Variants in DAB2IP observed in about 807,000 individuals in gnomAD.
DAB2IP encodes the protein DAB2 interacting protein.
In DAB2IP, 28 loss-of-function variants were observed where a neutral mutation model predicts 107.2. The ratio of observed to expected loss-of-function variants is 0.26; its 90% CI spans 0.19 to 0.36. DAB2IP has a LOEUF of 0.36. Ranked by LOEUF, DAB2IP falls within the 10% of genes least tolerant of loss-of-function variation. The pLI is 1.00. For synonymous variants in DAB2IP, 755 were observed against 706.4 expected (o/e 1.07, Z -1.09); for missense variants, 1,400 against 1,644.7 (o/e 0.85, Z 2.57).
Position 121,717,442 on chromosome 9 carries a change from C to T in DAB2IP, c.362+17984C>T, listed in dbSNP as rs76389469. Among the ~76,000 whole-genome samples, 1,075 of 152,354 alleles carry T rather than the reference C, an allele frequency of 7.1e-3. 7 individuals carry two copies. Among genetic ancestry groups the T allele is most frequent in the African/African-American group, 0.02 (849 of 41,586 alleles). The stretch of plus-strand genomic sequence containing the variant: ...CAGTTTTACAGAAAACTATTTAACG[C>T]GCTTGCTGTAGCTACCCCTGGCATG... On this transcript the variant is annotated intron_variant, in intron 3 of 15. Coordinates refer to ENST00000408936, the Ensembl canonical transcript of DAB2IP.
At position 121,782,828 on chromosome 9, in the gene DAB2IP, T is replaced by G; in HGVS notation, c.*330T>G. 8.8e-7 allele frequency: 1 copy of G among 1,130,624 alleles called. No individual in the cohort carries two copies. Among genetic ancestry groups the G allele is most frequent in the Non-Finnish European group, 1.1e-6 (1 of 919,434 alleles). 70.0% of individuals were successfully genotyped at this position (1,130,624 alleles called of 1,614,324 possible). A position where few individuals can be genotyped will look rare whatever the true frequency, so the allele number is the denominator to read the frequency against. On this transcript the variant is annotated 3_prime_UTR_variant, in exon 16 of 16. Coordinates refer to ENST00000408936, the Ensembl canonical transcript of DAB2IP. The surrounding 1 kb of genome is among the most constrained non-coding windows in gnomAD (Gnocchi z 6.1). ...TGGTGTGTCCTTGTCCTCCTGGATCTGGCCGAGTGCATGTGTCCCCCCACA... is the reference window on the plus strand; with the variant it reads ...TGGTGTGTCCTTGTCCTCCTGGATCGGGCCGAGTGCATGTGTCCCCCCACA...
chr9:121,747,173 TC>T (rs1832775331), intron 3 of DAB2IP, among the ~76,000 whole-genome samples: 1 of 151,908 alleles, frequency 6.6e-6, no homozygotes, highest in Non-Finnish European at 1.5e-5. Context: ...GGACTGTCAC[TC>T]TCCCTAAACT....
chr9:121,738,891 G>A (rs893259276), intron 3 of DAB2IP, among the ~76,000 whole-genome samples: 1 of 152,222 alleles, frequency 6.6e-6, no homozygotes, highest in Non-Finnish European at 1.5e-5. Context: ...GCCACACACA[G>A]CTTACCTTGT....
chr9:121,651,315 G>A (rs1832728021), upstream of DAB2IP, among the ~76,000 whole-genome samples: 1 of 152,212 alleles, frequency 6.6e-6, no homozygotes, highest in Non-Finnish European at 1.5e-5. This position sits in a 1 kb window ranked among gnomAD's most constrained non-coding sequence, Gnocchi z 5.1. Flanking sequence ...CCCCAAGCAT[G>A]CGTCCTACCC....
Position 121,635,205 on chromosome 9 carries a change from G to GT in DAB2IP, c.41-43473_41-43472insT, listed in dbSNP as rs1832045195. Reference sequence around the variant, plus strand: ...AGAGAGCCGTGTGTGGGGTCAAGGAGACCCTGGGGCTGTTCATTGGACAGC... The same window carrying GT: ...AGAGAGCCGTGTGTGGGGTCAAGGAGTACCCTGGGGCTGTTCATTGGACAGC... On this transcript the variant is annotated intron_variant, in intron 1 of 16. Transcript: ENST00000259371. This position sits in a 1 kb window ranked among gnomAD's most constrained non-coding sequence, Gnocchi z 4.3. Among the ~76,000 whole-genome samples, 1 of 152,148 alleles carries GT rather than the reference G, an allele frequency of 6.6e-6. No homozygotes were observed. Among genetic ancestry groups the GT allele is most frequent in the Admixed American group, 6.5e-5 (1 of 15,278 alleles).
intron 3 of DAB2IP, among the ~76,000 whole-genome samples, chr9:121,709,168 C>G (rs1564171375): frequency 6.6e-6 from 1 of 152,210 alleles, no homozygotes; most frequent in Non-Finnish European, 1.5e-5. Flanking sequence ...AAAACAAAAA[C>G]AGAAACTAGT....
chr9:121,626,968 T>G (rs1831670678), intron 1 of DAB2IP, among the ~76,000 whole-genome samples: 1 of 151,864 alleles, frequency 6.6e-6, no homozygotes, highest in Non-Finnish European at 1.5e-5. Context: ...CTACTCTCTG[T>G]GCTCACACAA....
chr9:121,578,163 G>C (rs1830108084), intron 1 of DAB2IP, among the ~76,000 whole-genome samples: 1 of 152,110 alleles, frequency 6.6e-6, no homozygotes. Flanking sequence ...TCTTCTTTCA[G>C]ACTTGGTCCC....
At chr9:121,731,173 C>T (rs905684621) in intron 3 of DAB2IP, among the ~76,000 whole-genome samples, 1 of 152,334 alleles carries the variant, frequency 6.6e-6, no homozygotes, top group African/African-American at 2.4e-5. Flanking sequence ...GTACCTTCCC[C>T]TCTCTACTAA....
chr9:121,608,085 T>C (rs1170452663), intron 1 of DAB2IP, among the ~76,000 whole-genome samples: 1 of 152,196 alleles, frequency 6.6e-6, no homozygotes, highest in African/African-American at 2.4e-5. Context: ...GTGTGAGAGA[T>C]TTGTTTTTCA....
Position 121,699,256 on chromosome 9 carries a change from G to A in DAB2IP, c.229-69G>A. 2 of 1,193,748 alleles carry A rather than the reference G, an allele frequency of 1.7e-6. No homozygotes were observed. Among genetic ancestry groups the A allele is most frequent in the South Asian group, 4.5e-5 (2 of 44,102 alleles). 73.9% of individuals were successfully genotyped at this position (1,193,748 alleles called of 1,614,324 possible). On this transcript the variant is annotated intron_variant, in intron 2 of 15. Coordinates refer to ENST00000408936, the Ensembl canonical transcript of DAB2IP. The surrounding 1 kb of genome is among the most constrained non-coding windows in gnomAD (Gnocchi z 6.2). The stretch of plus-strand genomic sequence containing the variant: ...CGCCCAGCAAGGGTGCGGGTCCCGC[G>A]CGGGTCCCGGCCCGCCGCCGCCGCG...
exon 1 of DAB2IP, chr9:121,567,132 T>C (rs1226516485): frequency 6.2e-7 from 1 of 1,610,590 alleles, no homozygotes; most frequent in Non-Finnish European, 8.5e-7. Flanking sequence ...CAGACGCTCA[T>C]GGAGACAGCC....
intron 1 of DAB2IP, among the ~76,000 whole-genome samples, chr9:121,672,463 C>T (rs1833722999): frequency 6.6e-6 from 1 of 152,222 alleles, no homozygotes; most frequent in Non-Finnish European, 1.5e-5. Context: ...GTAACCATGG[C>T]AACCAAGCCA....
intron 1 of DAB2IP, among the ~76,000 whole-genome samples, chr9:121,609,432 T>C (rs1482798173): frequency 1.3e-5 from 2 of 152,136 alleles, no homozygotes; most frequent in Non-Finnish European, 2.9e-5. Flanking sequence ...CCAGGATCAG[T>C]TTTCTCCACT....
At chr9:121,679,027 C>G (rs192313005) in intron 2 of DAB2IP, among the ~76,000 whole-genome samples, 1 of 152,120 alleles carries the variant, frequency 6.6e-6, no homozygotes, top group African/African-American at 2.4e-5. Flanking sequence ...CAGACAGCAC[C>G]GAAGGCTATG....
chr9:121,584,038 G>A (rs376243724), intron 1 of DAB2IP, among the ~76,000 whole-genome samples: 7 of 152,106 alleles, frequency 4.6e-5, no homozygotes, highest in Non-Finnish European at 8.8e-5. Context: ...ATAGCCAGGC[G>A]TGGTGGTGCA....
At chr9:121,640,002 C>T (rs545190105) in intron 1 of DAB2IP, among the ~76,000 whole-genome samples, 70 of 152,344 alleles carry the variant, frequency 4.6e-4, no homozygotes, top group South Asian at 3.1e-3. Context: ...AGTCCAAGAT[C>T]TGAAGTTCTG....
At chr9:121,768,905 G>A (rs569738469) in intron 10 of DAB2IP, among the ~76,000 whole-genome samples, 6 of 152,370 alleles carry the variant, frequency 3.9e-5, no homozygotes, top group Admixed American at 3.9e-4. Context: ...AAGCGCCACT[G>A]TGCTGCCTGC....
chr9:121,766,372 G>A (rs1410869092), intron 8 of DAB2IP, 122 bp from the exon 9 acceptor site: 5 of 860,690 alleles, frequency 5.8e-6, no homozygotes, highest in African/African-American at 3.3e-5. Flanking sequence ...CTCAGACAGC[G>A]GGGCTGACCT....
Sources: gnomAD v4.1 joint callset for allele counts (sites outside exome capture counted in the v4.1 genomes callset) on GRCh38, gnomAD v4.1.1 for gene constraint, Gnocchi (gnomAD v3.1) non-coding constraint, MANE v1.5 for transcripts, NCBI Gene and HGNC (gene_info 2026-07-23, HGNC 2026-07-21) for gene names.